TBCD: variants seen among roughly 807,000 people sequenced by gnomAD.
TBCD encodes tubulin-specific chaperone D.
TBCD carries 105 observed loss-of-function variants against 169.3 expected under a neutral mutation model. The observed-to-expected ratio is 0.62, with a 90% CI of 0.53 to 0.73. The LOEUF is 0.73. TBCD is among the 30% of genes least tolerant of loss of function. The pLI, the probability that TBCD is intolerant of heterozygous loss-of-function variation, is 0.00. For missense variants in TBCD, 1,444 were observed against 1,600.1 expected (o/e 0.90, Z 1.66); for synonymous variants, 700 against 643.9 (o/e 1.09, Z -1.32).
chr17:82,865,578 G>T, intron 13 of TBCD: 9 of 983,418 alleles, frequency 9.2e-6, no homozygotes, highest in Non-Finnish European at 1.1e-5. Context: ...TCACCGCCCA[G>T]TGCCGAAATG....
intron 23 of TBCD, chr17:82,913,409 A>AG (rs1482079609): frequency 6.6e-6 from 1 of 152,320 alleles, no homozygotes; most frequent in Admixed American, 6.5e-5. Flanking sequence ...GGGGAGTTAA[A>AG]GGCGTTCCGA....
Position 82,920,531 on chromosome 17 carries a change from C to A in TBCD, c.2039-25C>A. 6.6e-7 allele frequency: 1 copy of A among 1,508,942 alleles called. No homozygotes were observed. The highest frequency in any genetic ancestry group is 8.8e-7 in the Non-Finnish European group (1 of 1,134,802). 93.5% of individuals were successfully genotyped at this position (1,508,942 alleles called of 1,614,324 possible). A position where few individuals can be genotyped will look rare whatever the true frequency, so the allele number is the denominator to read the frequency against. ...CGCTTTTAGAAAAGTAACATTGCGT[C>A]TATCCTTTTTTTTTTTTTTTCCAGT... On this transcript the variant is annotated intron_variant, in intron 23 of 38. Transcript: ENST00000355528. The surrounding 1 kb of genome is among the most constrained non-coding windows in gnomAD (Gnocchi z 4.1).
In TBCD at chr17:82,832,540, A is replaced by G. The variant is rs970512499; in HGVS notation, c.1318+17606A>G. ...TGCACTTCGTGGTTTCTAAAGAGGC[A>G]CCTCCCGCTTTGCTTTCTTTCCCGA... On this transcript the variant is annotated intron_variant, in intron 13 of 38. Coordinates refer to ENST00000355528, the MANE Select transcript of TBCD (RefSeq NM_005993.5). This position sits in a 1 kb window ranked among gnomAD's most constrained non-coding sequence, Gnocchi z 4.9. The G allele has an allele frequency of 4.1e-6, 5 of 1,217,426 alleles. No individual in the cohort carries two copies. Among genetic ancestry groups the G allele is most frequent in the Non-Finnish European group, 6.0e-6 (5 of 839,468 alleles). The allele number at this position is 1,217,426 out of a possible 1,614,324, so 75.4% of individuals were successfully genotyped here. A position where few individuals can be genotyped will look rare whatever the true frequency, so the allele number is the denominator to read the frequency against.
At chr17:82,868,106 G>A (rs963218635) in intron 13 of TBCD, among the ~76,000 whole-genome samples, 3 of 152,196 alleles carry the variant, frequency 2.0e-5, no homozygotes, top group Non-Finnish European at 4.4e-5. Context: ...GTCCTGTAGA[G>A]GCGTGGCTGC....
chr17:82,909,065 C>T (rs2060438626), intron 21 of TBCD, among the ~76,000 whole-genome samples: 1 of 152,218 alleles, frequency 6.6e-6, no homozygotes, highest in Non-Finnish European at 1.5e-5. Context: ...CTCTCTGTGC[C>T]TCAGTTTCCC....
At chr17:82,877,655 T>C (rs994791647) in intron 14 of TBCD, among the ~76,000 whole-genome samples, 2 of 152,242 alleles carry the variant, frequency 1.3e-5, no homozygotes, top group Non-Finnish European at 2.9e-5. Flanking sequence ...TATATAACTT[T>C]TAGTTATTAG....
In TBCD at chr17:82,805,509, C is replaced by T. The variant is rs3791167; in HGVS notation, c.951-366C>T. On this transcript the variant is annotated intron_variant, in intron 9 of 38. Transcript: ENST00000355528. ...TGGCCTGGGCGGTGGCAGTGGTGGC[C>T]GTTCAGGAAGGGGCTGCCAGGAGGC... 7.9e-5 allele frequency among the ~76,000 whole-genome samples: 12 copies of T among 152,246 alleles called. No homozygotes were observed. In the East Asian group the frequency reaches 1.7e-3, roughly 22 times the overall value.
chr17:82,836,205 C>T (rs145666087), intron 13 of TBCD, among the ~76,000 whole-genome samples: 10 of 152,362 alleles, frequency 6.6e-5, no homozygotes, highest in Non-Finnish European at 1.2e-4. Flanking sequence ...GTAGAGAAGC[C>T]GGGTGCCTGG....
intron 12 of TBCD, among the ~76,000 whole-genome samples, chr17:82,812,197 G>T (rs1304998687): frequency 1.3e-5 from 2 of 152,264 alleles, no homozygotes; most frequent in East Asian, 3.9e-4. Context: ...TTTCTCCCGT[G>T]AGCAAACCAA....
rs1365294677 is a variant in TBCD, at chr17:82,874,353, G to A, written c.1475+3973G>A. Among the ~76,000 whole-genome samples, 3 of 152,276 alleles carry A rather than the reference G, an allele frequency of 2.0e-5. No individual in the cohort carries two copies. The highest frequency in any genetic ancestry group is 2.1e-4 in the South Asian group (1 of 4,826). On this transcript the variant is annotated intron_variant, in intron 14 of 38. Transcript: ENST00000355528. The surrounding 1 kb of genome is among the most constrained non-coding windows in gnomAD (Gnocchi z 5.0). ...CTCCCCGGCATGTGGCGGGGCCAGC[G>A]TTGGCCTGGGTCCCACTTGGCTTTG...
At chr17:82,853,488 G>A (rs2055987664) in intron 13 of TBCD, among the ~76,000 whole-genome samples, 1 of 151,348 alleles carries the variant, frequency 6.6e-6, no homozygotes, top group Non-Finnish European at 1.5e-5. Flanking sequence ...CTGTAGCTTT[G>A]AACTCATGGG....
Position 82,833,171 on chromosome 17 carries a change from TCA to T in TBCD, c.1318+18240_1318+18241del, listed in dbSNP as rs1178222986. 6.6e-6 allele frequency among the ~76,000 whole-genome samples: 1 copy of T among 152,054 alleles called. No homozygotes were observed. Among genetic ancestry groups the T allele is most frequent in the East Asian group, 1.9e-4 (1 of 5,150 alleles). ...GTTTCCCCTTAACATGTACCCACAG[TCA>T]CAGAGTGCCCCTCACTTTTACACAG... On this transcript the variant is annotated intron_variant, in intron 13 of 38. Transcript: ENST00000355528. The surrounding 1 kb of genome is among the most constrained non-coding windows in gnomAD (Gnocchi z 4.7).
chr17:82,900,691 A>T lies in TBCD; in HGVS notation c.1690A>T (p.Ile564Leu). The T allele has an allele frequency of 6.2e-7, 1 of 1,614,006 alleles. No individual in the cohort carries two copies. The highest frequency in any genetic ancestry group is 1.1e-5 in the South Asian group (1 of 91,082). ...CTTTCCTGAGTACACGCAGCCAATG[A>T]TAGACCACCTGGTTACCATGAAGAT... The part of the protein sequence containing the change: ...AGFPEYTQPM[I>L]DHLVTMKISH... Residue 564 changes from isoleucine to leucine, a missense_variant, in exon 18 of 39, where the codon ATA becomes TTA. Ile to Leu is a conservative substitution (Grantham distance 5, BLOSUM62 2). Coordinates refer to ENST00000355528, the MANE Select transcript of TBCD (RefSeq NM_005993.5).
intron 4 of TBCD, among the ~76,000 whole-genome samples, chr17:82,767,784 G>T (rs994144777): frequency 2.6e-5 from 4 of 152,164 alleles, no homozygotes; most frequent in African/African-American, 9.6e-5. Context: ...GTGCAACCCT[G>T]TGTCTACAAA....
At chr17:82,827,140 ATGGC>A (rs2052922306) in intron 13 of TBCD, among the ~76,000 whole-genome samples, 1 of 152,198 alleles carries the variant, frequency 6.6e-6, no homozygotes, top group Admixed American at 6.5e-5. Context: ...GTAGCTAGGA[ATGGC>A]AGAAATTTTG....
At position 82,766,377 on chromosome 17, in the gene TBCD, C is replaced by T; in HGVS notation, c.435+9C>T. The T allele has an allele frequency of 6.2e-7, 1 of 1,603,252 alleles. No individual in the cohort carries two copies. ...ATCCCAAGGACCATGAAGTGAGTGT[C>T]TCTGCCTCCCCCCTCGTCTCCAGCC... On this transcript the variant is annotated intron_variant, in intron 4 of 38. Transcript: ENST00000355528.
Position 82,870,284 on chromosome 17 carries a change from G to T in TBCD, c.1379G>T (p.Gly460Val). The change falls in exon 14 of 39, where the codon GGC becomes GTC. Residue 460 changes from glycine to valine, a missense_variant. By Grantham distance (109) the Gly-to-Val change is moderately radical (BLOSUM62 -3). Coordinates refer to ENST00000355528, the MANE Select transcript of TBCD (RefSeq NM_005993.5). ...YDEKRGACSV[G>V]TNVRDAACYV... ...GAGAAGCGGGGTGCCTGCAGCGTGG[G>T]CACCAACGTCAGGGACGCCGCCTGC... The T allele has an allele frequency of 1.2e-6, 2 of 1,613,572 alleles. No homozygotes were observed. Among genetic ancestry groups the T allele is most frequent in the Non-Finnish European group, 1.7e-6 (2 of 1,179,886 alleles).
At chr17:82,845,140 T>C (rs1196392627) in intron 13 of TBCD, among the ~76,000 whole-genome samples, 1 of 152,158 alleles carries the variant, frequency 6.6e-6, no homozygotes, top group Admixed American at 6.5e-5. Flanking sequence ...CCTCTTTCCC[T>C]AGGGGCACAC....
chr17:82,838,818 G>C (rs768439170), intron 13 of TBCD: 2 of 985,294 alleles, frequency 2.0e-6, no homozygotes, highest in Non-Finnish European at 2.4e-6. Flanking sequence ...AGGAGATCCC[G>C]AGTTACAGAC....
Sources: allele counts gnomAD v4.1 joint callset (sites outside exome capture counted in the v4.1 genomes callset), GRCh38; gene constraint gnomAD v4.1.1; non-coding constraint Gnocchi (gnomAD v3.1); transcripts MANE v1.5; gene names NCBI Gene and HGNC (gene_info 2026-07-23, HGNC 2026-07-21).